The following USPL1 variants were observed in gnomAD, a reference collection of about 807,000 sequenced individuals.
USPL1 encodes the protein SUMO-specific isopeptidase USPL1.
In USPL1, 27 loss-of-function variants were observed where a neutral mutation model predicts 51.5. The ratio of observed to expected loss-of-function variants is 0.52; its 90% CI spans 0.39 to 0.72. The LOEUF is 0.72. USPL1 is among the 30% of genes least tolerant of loss of function. The pLI, the probability that USPL1 is intolerant of heterozygous loss-of-function variation, is 0.00. For missense variants in USPL1, 1,226 were observed against 1,268.0 expected, an observed-to-expected ratio of 0.97 and a Z score of 0.50; for synonymous variants, 451 against 459.6, an observed-to-expected ratio of 0.98 and a Z score of 0.24.
At position 30,659,436 on chromosome 13, in the gene USPL1, A is replaced by T. The variant is rs1951225931; in HGVS notation, c.*80A>T. 1 of 1,241,916 alleles carries T rather than the reference A, an allele frequency of 8.1e-7. No homozygotes were observed. Among genetic ancestry groups the T allele is most frequent in the Admixed American group, 2.9e-5 (1 of 34,018 alleles). 76.9% of individuals were successfully genotyped at this position (1,241,916 alleles called of 1,614,324 possible). A position where few individuals can be genotyped will look rare whatever the true frequency, so the allele number is the denominator to read the frequency against. On this transcript the variant is annotated 3_prime_UTR_variant, in exon 9 of 9. Transcript: ENST00000255304. ...CAATGTGTTCAGGTAGTGTTTATAC[A>T]CTGGACTTGTGTAATTACTTGTGTA... is the stretch of plus-strand genomic sequence containing the variant.
chr13:30,645,488 C>A (rs1054192459), intron 6 of USPL1, among the ~76,000 whole-genome samples: 1 of 152,094 alleles, frequency 6.6e-6, no homozygotes, highest in Admixed American at 6.6e-5. Flanking sequence ...AGCCACTAGC[C>A]GCTTTTGTTT....
intron 7 of USPL1, among the ~76,000 whole-genome samples, chr13:30,650,199 A>G (rs1488558505): frequency 6.6e-6 from 1 of 152,198 alleles, no homozygotes; most frequent in Non-Finnish European, 1.5e-5. Flanking sequence ...AAATGAACAG[A>G]AAAGGGAAGG....
Position 30,631,177 on chromosome 13 carries a change from G to C in USPL1, c.571G>C (p.Val191Leu), listed in dbSNP as rs762048930. 7 of 1,614,074 alleles carry C rather than the reference G, an allele frequency of 4.3e-6. No homozygotes were observed. The highest frequency in any genetic ancestry group is 4.2e-6 in the Non-Finnish European group (5 of 1,180,040). The change falls in exon 4 of 9, where the codon GTT (valine) becomes CTT (leucine). Residue 191 changes from valine to leucine, a missense_variant. By Grantham distance (32) the Val-to-Leu change is conservative. Transcript: ENST00000255304. ...DMATTKDPAT[V>L]DVSGTGRPSP... is the part of the protein sequence containing the mutation. ...GGCTACTACAAAAGATCCTGCTACA[G>C]TTGATGTCTCTGGAACTGGCAGACC...
At chr13:30,618,493 CT>C (rs1950600522) in intron 1 of USPL1, among the ~76,000 whole-genome samples, 1 of 152,026 alleles carries the variant, frequency 6.6e-6, no homozygotes, top group South Asian at 2.1e-4. Flanking sequence ...GCCGAGCCTA[CT>C]CGCTCTCGGA....
At chr13:30,648,691 TG>T (rs1951049386) in intron 7 of USPL1, among the ~76,000 whole-genome samples, 1 of 152,248 alleles carries the variant, frequency 6.6e-6, no homozygotes, top group African/African-American at 2.4e-5. Flanking sequence ...TTCCTTTCTT[TG>T]TCCTTTTGGA....
chr13:30,629,884 A>T (rs1211863587), intron 3 of USPL1, among the ~76,000 whole-genome samples: 1 of 152,058 alleles, frequency 6.6e-6, no homozygotes, highest in Admixed American at 6.5e-5. Flanking sequence ...AATTACCAGG[A>T]GGTGTAGTTC....
chr13:30,631,521 G>T lies in USPL1; in HGVS notation c.868+47G>T, dbSNP rs772041652. Reference sequence around the variant, plus strand: ...TTATTTACTTATTTATTCATCTGGAGTCAGGGTCTCATTCTGTCACCCAGG... The same window carrying T: ...TTATTTACTTATTTATTCATCTGGATTCAGGGTCTCATTCTGTCACCCAGG... On this transcript the variant is annotated intron_variant, in intron 4 of 8. Coordinates refer to ENST00000255304, the MANE Select transcript of USPL1 (RefSeq NM_005800.5). 2.0e-6 allele frequency: 3 copies of T among 1,512,642 alleles called. No individual in the cohort carries two copies. The Admixed American group carries it at 5.7e-5, about 29-fold the overall frequency. The allele number at this position is 1,512,642 out of a possible 1,614,324, so 93.7% of individuals were successfully genotyped here.
intron 7 of USPL1, among the ~76,000 whole-genome samples, chr13:30,648,308 G>C (rs541624621): frequency 6.6e-6 from 1 of 152,258 alleles, no homozygotes; most frequent in South Asian, 2.1e-4. Flanking sequence ...TCAATACTCA[G>C]ATGCTTCACA....
At chr13:30,625,453 T>G (rs1455693905) in intron 3 of USPL1, among the ~76,000 whole-genome samples, 1 of 146,500 alleles carries the variant, frequency 6.8e-6, no homozygotes, top group African/African-American at 2.6e-5. Flanking sequence ...TGTTTTTTTT[T>G]TTTTTTTTTT....
At position 30,630,739 on chromosome 13, in the gene USPL1, C is replaced by T. The variant is rs112096011; in HGVS notation, c.229-96C>T. On this transcript the variant is annotated intron_variant, in intron 3 of 8. Coordinates refer to ENST00000255304, the MANE Select transcript of USPL1 (RefSeq NM_005800.5). ...AATATAACCTGTCATCAAATCAATG[C>T]TAACATTCTATACATGTTTTTCATG... 5.7e-5 allele frequency: 73 copies of T among 1,289,108 alleles called. No homozygotes were observed. The African/African-American group carries it at 9.3e-4, about 16-fold the overall frequency. The allele number at this position is 1,289,108 out of a possible 1,614,324, so 79.9% of individuals were successfully genotyped here.
At chr13:30,620,592 A>G (rs1366907289) in intron 1 of USPL1, among the ~76,000 whole-genome samples, 8 of 152,188 alleles carry the variant, frequency 5.3e-5, no homozygotes, top group Admixed American at 3.3e-4. Flanking sequence ...ATTTTTCCCA[A>G]CTGGTGAAGT....
At position 30,657,509 on chromosome 13, in the gene USPL1, T is replaced by C. The variant is rs201645599; in HGVS notation, c.1432T>C (p.Cys478Arg). The change falls in exon 9 of 9, where the codon TGT becomes CGT. Residue 478 changes from cysteine to arginine, a missense_variant. Cys to Arg is a radical substitution (Grantham distance 180, BLOSUM62 -3). Transcript: ENST00000255304. ...GGAATGTGATGACTTAAAAGGCCCATGTTCTGAAAGGCACAAGAAATTTGA... is the reference window on the plus strand; with the variant it reads ...GGAATGTGATGACTTAAAAGGCCCACGTTCTGAAAGGCACAAGAAATTTGA... ...WLECDDLKGP[C>R]SERHKKFEVP... 1 of 1,609,158 alleles carries C rather than the reference T, an allele frequency of 6.2e-7. No individual in the cohort carries two copies. The highest frequency in any genetic ancestry group is 8.5e-7 in the Non-Finnish European group (1 of 1,178,272).
chr13:30,633,419 TG>T (rs1393830141), intron 4 of USPL1, among the ~76,000 whole-genome samples: 1 of 152,164 alleles, frequency 6.6e-6, no homozygotes, highest in Non-Finnish European at 1.5e-5. Context: ...TACTGAACCC[TG>T]TATATACAAT....
At chr13:30,637,909 T>C in intron 5 of USPL1, 52 bp downstream of exon 5, 1 of 1,275,790 alleles carries the variant, frequency 7.8e-7, no homozygotes, top group Non-Finnish European at 1.1e-6. Context: ...CATATAGAAA[T>C]ATGTACCTCA....
At chr13:30,618,703 T>G (rs926408469) in intron 1 of USPL1, among the ~76,000 whole-genome samples, 1 of 152,060 alleles carries the variant, frequency 6.6e-6, no homozygotes, top group Non-Finnish European at 1.5e-5. Flanking sequence ...TTCTGGAGTA[T>G]AAGTGGTTCA....
intron 5 of USPL1, among the ~76,000 whole-genome samples, chr13:30,641,873 A>G (rs1950951942): frequency 1.3e-5 from 2 of 151,036 alleles, no homozygotes; most frequent in African/African-American, 4.9e-5. Context: ...CACTGATTAC[A>G]TTTTTTAACA....
intron 4 of USPL1, 96 bp from the exon 5 acceptor site, chr13:30,637,648 C>T: frequency 9.8e-7 from 1 of 1,017,582 alleles, no homozygotes; most frequent in South Asian, 1.6e-5. Context: ...GTTTGCAAAA[C>T]TTACTGACTC....
At chr13:30,651,381 C>T (rs1257212306) in intron 7 of USPL1, among the ~76,000 whole-genome samples, 1 of 152,116 alleles carries the variant, frequency 6.6e-6, no homozygotes, top group Non-Finnish European at 1.5e-5. Context: ...CTTCTACATC[C>T]AGGGAATTGG....
In USPL1 at chr13:30,658,921, T is replaced by G. The variant is rs147443797; in HGVS notation, c.2844T>G (p.Ile948Met). ...ATGAGCTACCATATCCAATTGATAT[T>G]GCCAGTGAGTCTGCATGCACCACTG... ...LLNELPYPID[I>M]ASESACTTVP... Residue 948 changes from isoleucine to methionine, a missense_variant, in exon 9 of 9, where the codon ATT becomes ATG. Ile to Met is a conservative substitution (Grantham distance 10). Transcript: ENST00000255304. The G allele has an allele frequency of 5.6e-6, 9 of 1,614,198 alleles. No individual in the cohort carries two copies. The African/African-American group carries it at 1.1e-4, about 19-fold the overall frequency.
Sources: gnomAD v4.1 joint callset for allele counts (sites outside exome capture counted in the v4.1 genomes callset) on GRCh38, gnomAD v4.1.1 for gene constraint, MANE v1.5 for transcripts, NCBI Gene and HGNC (gene_info 2026-07-23, HGNC 2026-07-21) for gene names.